The following LIPC variants were observed in gnomAD, a reference collection of about 807,000 sequenced individuals.
LIPC encodes lipase C, hepatic type.
In LIPC, 44 loss-of-function variants were observed where a neutral mutation model predicts 50.7. That is an observed-to-expected ratio of 0.87 (90% CI 0.68 to 1.11). The LOEUF (loss-of-function observed/expected upper bound fraction) is 1.11, where lower values mean the gene tolerates loss of function less well. Among genes scored for constraint, LIPC ranks in the 50% most tolerant of loss-of-function variants. The probability of loss-of-function intolerance (pLI) is 0.00; values close to 1 mark genes in which losing one functional copy is unlikely to be tolerated. For synonymous variants in LIPC, 271 were observed against 256.4 expected (o/e 1.06, Z -0.54); for missense variants, 697 against 648.2 (o/e 1.08, Z -0.82).
chr15:58,565,272 C>T (rs1438290122), intron 8 of LIPC: 9 of 1,535,502 alleles, frequency 5.9e-6, no homozygotes, highest in Admixed American at 3.9e-5. Flanking sequence ...ATTGGAGCAG[C>T]GCTGCTTCTG....
intron 1 of LIPC, among the ~76,000 whole-genome samples, chr15:58,483,351 G>A (rs1338805933): frequency 6.6e-6 from 1 of 152,128 alleles, no homozygotes; most frequent in African/African-American, 2.4e-5. Context: ...CTATTCTAAG[G>A]TTCCTTCTAA....
Position 58,545,873 on chromosome 15 carries a change from C to G in LIPC, c.706C>G (p.Gln236Glu). ...EHMGLSVGIKQPIGHYDFYPN... is the reference protein window; with the variant it reads ...EHMGLSVGIKEPIGHYDFYPN... ...CATGGGCCTGAGCGTGGGCATCAAA[C>G]AGCCCATAGGACACTATGACTTCTA... Residue 236 changes from glutamine to glutamate, a missense_variant, in exon 5 of 9, where the codon CAG becomes GAG. Transcript: ENST00000299022. The G allele has an allele frequency of 6.2e-7, 1 of 1,614,174 alleles. No homozygotes were observed. Among genetic ancestry groups the G allele is most frequent in the Non-Finnish European group, 8.5e-7 (1 of 1,180,000 alleles).
intron 1 of LIPC, among the ~76,000 whole-genome samples, chr15:58,517,340 G>C (rs1892514869): frequency 6.6e-6 from 1 of 152,250 alleles, no homozygotes; most frequent in South Asian, 2.1e-4. Context: ...AGCACATTGA[G>C]CTCAACAACG....
At chr15:58,563,900 C>T (rs1480223373) in intron 8 of LIPC, 177 bp downstream of exon 8, 3 of 666,466 alleles carry the variant, frequency 4.5e-6, no homozygotes, top group Non-Finnish European at 8.2e-6. Context: ...CCACAGGTGC[C>T]AGGACAAGGA....
chr15:58,439,572 T>G (rs1893434079), intron 1 of LIPC, among the ~76,000 whole-genome samples: 1 of 152,064 alleles, frequency 6.6e-6, no homozygotes, highest in Admixed American at 6.5e-5. Context: ...GCCTCCTGAG[T>G]AGCCGCGATT....
At chr15:58,489,217 C>CGGGGGGG (rs59532809) in intron 1 of LIPC, among the ~76,000 whole-genome samples, 22 of 16,462 alleles carry the variant, frequency 1.3e-3, no homozygotes, top group Middle Eastern at 0.043. Flanking sequence ...CATTTTGTTG[C>CGGGGGGG]GGGGGCGGGG....
intron 1 of LIPC, among the ~76,000 whole-genome samples, chr15:58,444,362 G>T (rs565150018): frequency 6.6e-6 from 1 of 152,196 alleles, no homozygotes; most frequent in Non-Finnish European, 1.5e-5. Context: ...CTGGATGTCA[G>T]AGATTTCGCC....
chr15:58,534,228 G>A (rs994974930), intron 1 of LIPC, among the ~76,000 whole-genome samples: 3 of 152,218 alleles, frequency 2.0e-5, no homozygotes, highest in Admixed American at 6.5e-5. Context: ...ATGCCCAGTC[G>A]AGAGCTGGTG....
At chr15:58,514,026 A>G (rs1437616299) in intron 1 of LIPC, among the ~76,000 whole-genome samples, 2 of 152,250 alleles carry the variant, frequency 1.3e-5, no homozygotes, top group African/African-American at 2.4e-5. Context: ...TGAGTGAAGC[A>G]ATCAGATGTT....
chr15:58,492,018 C>G (rs1215411673), intron 1 of LIPC, among the ~76,000 whole-genome samples: 3 of 152,312 alleles, frequency 2.0e-5, no homozygotes, highest in Admixed American at 2.0e-4. Context: ...ATGGTCCCAG[C>G]AAGCAACAGA....
intron 8 of LIPC, chr15:58,565,484 G>T: frequency 7.2e-7 from 1 of 1,393,782 alleles, no homozygotes; most frequent in Non-Finnish European, 9.3e-7. Flanking sequence ...TCCCACACGG[G>T]GTGAGCATTG....
intron 1 of LIPC, among the ~76,000 whole-genome samples, chr15:58,498,065 G>A (rs1158501762): frequency 6.6e-6 from 1 of 152,068 alleles, no homozygotes; most frequent in Non-Finnish European, 1.5e-5. Context: ...TGTTTAATAA[G>A]AGCTGAAGGA....
At chr15:58,568,568 AC>A in intron 8 of LIPC, 147 bp from the exon 9 acceptor site, 1 of 648,548 alleles carries the variant, frequency 1.5e-6, no homozygotes, top group Non-Finnish European at 2.8e-6. Context: ...CTCTGAAGTT[AC>A]AAAAATATTT....
intron 1 of LIPC, among the ~76,000 whole-genome samples, chr15:58,468,600 TG>T (rs1894662444): frequency 6.6e-6 from 1 of 152,206 alleles, no homozygotes; most frequent in South Asian, 2.1e-4. Context: ...TCCAACCCTG[TG>T]ACGTTATCAG....
At chr15:58,545,714 G>A (rs752531604) in intron 4 of LIPC, 28 bp from the exon 5 acceptor site, 27 of 1,598,738 alleles carry the variant, frequency 1.7e-5, no homozygotes, top group African/African-American at 8.0e-5. Flanking sequence ...TTGCTCCTGC[G>A]TAACCCTTAC....
intron 1 of LIPC, chr15:58,473,909 T>C (rs12594222): frequency 0.11 from 17,390 of 152,466 alleles, 1,211 homozygotes; most frequent in Non-Finnish European, 0.17. Flanking sequence ...TGCCAGACTA[T>C]AGCTGTTTTG....
At chr15:58,447,744 T>G (rs1195110892) in intron 1 of LIPC, among the ~76,000 whole-genome samples, 2 of 152,212 alleles carry the variant, frequency 1.3e-5, no homozygotes, top group African/African-American at 4.8e-5. Flanking sequence ...GGATCCTGAA[T>G]TCCTAACAGT....
At chr15:58,518,534 T>A (rs919928568) in intron 1 of LIPC, among the ~76,000 whole-genome samples, 1 of 152,188 alleles carries the variant, frequency 6.6e-6, no homozygotes, top group Non-Finnish European at 1.5e-5. Context: ...CTCGCTCCAC[T>A]CCTTCAGGCT....
At chr15:58,501,375 GTTTT>G (rs1337819486) in intron 1 of LIPC, among the ~76,000 whole-genome samples, 8 of 135,736 alleles carry the variant, frequency 5.9e-5, no homozygotes, top group East Asian at 2.1e-4. Context: ...AATGCCTGAA[GTTTT>G]TTTGTTTATT....
Sources: gnomAD v4.1 joint callset for allele counts (sites outside exome capture counted in the v4.1 genomes callset) on GRCh38, gnomAD v4.1.1 for gene constraint, MANE v1.5 for transcripts, NCBI Gene and HGNC (gene_info 2026-07-23, HGNC 2026-07-21) for gene names.